Variants in TRAK2 observed in about 807,000 individuals in gnomAD.
TRAK2 encodes trafficking kinesin-binding protein 2.
TRAK2 carries 81 observed loss-of-function variants against 104.6 expected under a neutral mutation model. The observed-to-expected ratio is 0.77, with a 90% confidence interval of 0.65 to 0.93. The LOEUF is 0.93. Ranked by LOEUF, TRAK2 falls within the 40% of genes least tolerant of loss-of-function variation. The pLI, the probability that TRAK2 is intolerant of heterozygous loss-of-function variation, is 0.00. For missense variants in TRAK2, 1,002 were observed against 1,089.0 expected, an observed-to-expected ratio of 0.92 and a Z score of 1.12; for synonymous variants, 406 against 394.4, an observed-to-expected ratio of 1.03 and a Z score of -0.35.
chr2:201,437,887 A>G (rs1177320127), intron 1 of TRAK2, among the ~76,000 whole-genome samples: 1 of 152,216 alleles, frequency 6.6e-6, no homozygotes, highest in African/African-American at 2.4e-5. Context: ...TTGGTTTTTC[A>G]TGCAGACTTT....
At chr2:201,411,262 CT>C in intron 2 of TRAK2, 1 of 739,062 alleles carries the variant, frequency 1.4e-6, no homozygotes, top group African/African-American at 1.7e-5. Flanking sequence ...TATGCCTGCT[CT>C]TGTTCTCTTG....
At chr2:201,388,087 A>G (rs1951409123) in intron 12 of TRAK2, 86 bp from the exon 13 acceptor site, 1 of 1,358,502 alleles carries the variant, frequency 7.4e-7, no homozygotes, top group African/African-American at 1.4e-5. Flanking sequence ...TAAGCATTCA[A>G]GAGACTGATA....
intron 13 of TRAK2, among the ~76,000 whole-genome samples, chr2:201,386,963 G>A (rs1053919127): frequency 1.3e-5 from 2 of 152,218 alleles, no homozygotes. Context: ...GAACCCTGGT[G>A]AATGATCATC....
Position 201,389,446 on chromosome 2 carries a change from G to A in TRAK2, c.1251C>T (p.Arg417=). The part of the protein sequence containing the change: ...TVRIANDTRG[R]SISFPALLPI... The stretch of plus-strand genomic sequence containing the variant: ...GTAACAGAGCTGGGAATGAGATAGA[G>A]CGGCCCCGTGTGTCATTGGCAATCC... Residue 417 remains arginine (R), a synonymous_variant, in exon 12 of 16, where the codon CGC becomes CGT. Coordinates refer to ENST00000332624, the MANE Select transcript of TRAK2 (RefSeq NM_015049.3). 6 of 1,614,140 alleles carry A rather than the reference G, an allele frequency of 3.7e-6. No homozygotes were observed. In the South Asian group the frequency reaches 5.5e-5, roughly 15 times the overall value.
chr2:201,380,588 T>C lies in TRAK2; in HGVS notation c.2700A>G (p.Pro900=), dbSNP rs747948793. 2 of 1,613,926 alleles carry C rather than the reference T, an allele frequency of 1.2e-6. No individual in the cohort carries two copies. The highest frequency in any genetic ancestry group is 1.7e-6 in the Non-Finnish European group (2 of 1,179,942). ...CCATTTTGGGTGAGGATGTGCAAAC[T>C]GGGGCAGCAAAGCTACCCATTATGA... ...LPVIMGSFAA[P]VCTSSPKMGV... The change falls in exon 16 of 16, where the codon CCA becomes CCG. Residue 900 remains proline (P), a synonymous_variant. Transcript: ENST00000332624.
intron 1 of TRAK2, among the ~76,000 whole-genome samples, chr2:201,443,811 TA>T: frequency 6.6e-6 from 1 of 152,166 alleles, no homozygotes; most frequent in Non-Finnish European, 1.5e-5. Context: ...ACAAACCTCC[TA>T]ACAAGGCTCC....
chr2:201,379,964 A>C lies in TRAK2; in HGVS notation c.*579T>G, dbSNP rs1951323658. Reference sequence around the variant, plus strand: ...AAATAGGAGTCTCCACCTGTGATTCAATGAAAAAGATGAAACTCCTAATTT... The same window carrying C: ...AAATAGGAGTCTCCACCTGTGATTCCATGAAAAAGATGAAACTCCTAATTT... On this transcript the variant is annotated 3_prime_UTR_variant, in exon 16 of 16. Transcript: ENST00000332624. 6.5e-6 allele frequency: 1 copy of C among 152,956 alleles called. No individual in the cohort carries two copies. Among genetic ancestry groups the C allele is most frequent in the Non-Finnish European group, 1.5e-5 (1 of 68,610 alleles). 9.5% of individuals were successfully genotyped at this position (152,956 alleles called of 1,614,324 possible).
chr2:201,414,535 T>C (rs968859563), intron 2 of TRAK2, among the ~76,000 whole-genome samples: 1 of 152,212 alleles, frequency 6.6e-6, no homozygotes, highest in African/African-American at 2.4e-5. Flanking sequence ...AAAAGGAGGC[T>C]GGCAATATCA....
At chr2:201,388,946 TG>T (rs1951416882) in intron 12 of TRAK2, among the ~76,000 whole-genome samples, 1 of 151,896 alleles carries the variant, frequency 6.6e-6, no homozygotes, top group Non-Finnish European at 1.5e-5. Flanking sequence ...ATAAAAGGAA[TG>T]AAAAAAAAAT....
At chr2:201,408,925 C>T (rs1390074491) in intron 2 of TRAK2, among the ~76,000 whole-genome samples, 6 of 152,036 alleles carry the variant, frequency 3.9e-5, no homozygotes, top group Non-Finnish European at 8.8e-5. Flanking sequence ...TGAAATAAGT[C>T]CTTTATCATT....
intron 1 of TRAK2, among the ~76,000 whole-genome samples, chr2:201,429,960 T>C (rs890651256): frequency 2.0e-5 from 3 of 152,200 alleles, no homozygotes; most frequent in Non-Finnish European, 4.4e-5. Context: ...TTTCTCCCTA[T>C]CTTTGCGGTT....
At chr2:201,410,649 A>G (rs967333350) in intron 2 of TRAK2, 12 of 1,302,444 alleles carry the variant, frequency 9.2e-6, no homozygotes, top group South Asian at 3.6e-5. Flanking sequence ...TACCCTGCAT[A>G]CCAAAGGCAG....
At chr2:201,390,420 C>T (rs573812041) in intron 10 of TRAK2, among the ~76,000 whole-genome samples, 72 of 150,260 alleles carry the variant, frequency 4.8e-4, no homozygotes, top group African/African-American at 6.6e-4. Flanking sequence ...AAAAATTAGC[C>T]GGGTGTGCTG....
intron 1 of TRAK2, among the ~76,000 whole-genome samples, chr2:201,450,198 T>G (rs918778867): frequency 6.6e-6 from 1 of 151,948 alleles, no homozygotes; most frequent in Non-Finnish European, 1.5e-5. Flanking sequence ...GGGTGGATCA[T>G]GAGGTCAAGA....
chr2:201,393,269 G>C (rs1463090050), intron 9 of TRAK2, among the ~76,000 whole-genome samples: 1 of 152,074 alleles, frequency 6.6e-6, no homozygotes, highest in Non-Finnish European at 1.5e-5. Context: ...ATTATACACG[G>C]ATGTGACTTC....
chr2:201,426,096 T>C (rs1951785568), intron 1 of TRAK2, among the ~76,000 whole-genome samples: 1 of 152,214 alleles, frequency 6.6e-6, no homozygotes, highest in African/African-American at 2.4e-5. Context: ...GCCATAGAAC[T>C]GTACCCATCT....
chr2:201,384,967 T>C (rs1275464752), intron 14 of TRAK2, among the ~76,000 whole-genome samples: 1 of 152,182 alleles, frequency 6.6e-6, no homozygotes, highest in African/African-American at 2.4e-5. Context: ...CCATTTTTAC[T>C]TGAAAGAACT....
At chr2:201,394,911 A>G (rs1951487037) in intron 8 of TRAK2, 39 bp from the exon 9 acceptor site, 2 of 1,490,526 alleles carry the variant, frequency 1.3e-6, no homozygotes, top group East Asian at 4.5e-5. Flanking sequence ...AGCCTTTCCA[A>G]GTAAAATATA....
chr2:201,404,668 A>T (rs765447069), intron 3 of TRAK2, among the ~76,000 whole-genome samples: 1 of 152,208 alleles, frequency 6.6e-6, no homozygotes, highest in Non-Finnish European at 1.5e-5. Context: ...TAGTTCTCTC[A>T]TATGTCCCTT....
Sources: allele counts gnomAD v4.1 joint callset (sites outside exome capture counted in the v4.1 genomes callset), GRCh38; gene constraint gnomAD v4.1.1; transcripts MANE v1.5; gene names NCBI Gene and HGNC (gene_info 2026-07-23, HGNC 2026-07-21).